CHRNA7: variants seen among roughly 807,000 people sequenced by gnomAD.
CHRNA7 encodes cholinergic receptor nicotinic alpha 7 subunit.
A neutral mutation model predicts 48.0 loss-of-function variants in CHRNA7; 17 were observed. The ratio of observed to expected loss-of-function variants is 0.35; its 90% CI spans 0.24 to 0.53. The LOEUF (loss-of-function observed/expected upper bound fraction) is 0.53. Among genes scored for constraint, CHRNA7 ranks in the 20% least tolerant of loss-of-function variants. The pLI is 0.92. For synonymous variants in CHRNA7, 75 were observed against 242.3 expected (o/e 0.31, Z 6.41); for missense variants, 155 against 577.7 (o/e 0.27, Z 7.50).
chr15:32,148,599 A>G (rs547098046), intron 4 of CHRNA7, among the ~76,000 whole-genome samples: 1 of 152,264 alleles, frequency 6.6e-6, no homozygotes, highest in South Asian at 2.1e-4. Flanking sequence ...AGACCCACCC[A>G]CAGGGTCCAC....
chr15:32,084,045 CTGTT>C (rs2050257070), intron 2 of CHRNA7, among the ~76,000 whole-genome samples: 1 of 152,252 alleles, frequency 6.6e-6, no homozygotes, highest in Admixed American at 6.5e-5. Flanking sequence ...TGTTAAAACT[CTGTT>C]TGATTAATTA....
chr15:32,045,737 A>G (rs1396351935), intron 2 of CHRNA7, among the ~76,000 whole-genome samples: 1 of 151,406 alleles, frequency 6.6e-6, no homozygotes, highest in Non-Finnish European at 1.5e-5. Context: ...TTACATATGT[A>G]TACATGTGCC....
chr15:32,075,637 T>A (rs756217611), intron 2 of CHRNA7, among the ~76,000 whole-genome samples: 73 of 152,210 alleles, frequency 4.8e-4, no homozygotes, highest in Non-Finnish European at 8.8e-4. Context: ...CTGTTCTTTT[T>A]AGAGAACCAG....
chr15:32,046,228 C>T lies in CHRNA7; in HGVS notation c.195+15191C>T, dbSNP rs1372941487. Among the ~76,000 whole-genome samples the T allele has an allele frequency of 1.1e-4, 17 of 150,730 alleles. No individual in the cohort carries two copies. The South Asian group carries it at 2.9e-3, about 26-fold the overall frequency. On this transcript the variant is annotated intron_variant, in intron 2 of 9. Transcript: ENST00000306901. The stretch of plus-strand genomic sequence containing the variant: ...CAAATGGTATTTCTAGTTCTAGATC[C>T]CTGAGGAATCGCCACACTGACTTCC...
intron 2 of CHRNA7, among the ~76,000 whole-genome samples, chr15:32,087,201 AT>A (rs1189898795): frequency 6.6e-6 from 1 of 152,132 alleles, no homozygotes; most frequent in East Asian, 1.9e-4. Context: ...TTTATTTTAT[AT>A]TTTGGAGTGT....
At chr15:32,148,979 T>C (rs1445009981) in intron 4 of CHRNA7, among the ~76,000 whole-genome samples, 1 of 152,114 alleles carries the variant, frequency 6.6e-6, no homozygotes, top group Non-Finnish European at 1.5e-5. Flanking sequence ...GTCCTACATG[T>C]TTGAGTTACA....
At chr15:32,041,564 C>T (rs1269415806) in intron 2 of CHRNA7, among the ~76,000 whole-genome samples, 1 of 152,360 alleles carries the variant, frequency 6.6e-6, no homozygotes, top group East Asian at 1.9e-4. Context: ...GTCCAGGTGA[C>T]AGGTACTGGC....
chr15:32,052,936 T>C (rs11071512), intron 2 of CHRNA7, among the ~76,000 whole-genome samples: 135,575 of 152,166 alleles, frequency 0.89, 60,909 homozygotes, highest in South Asian at 0.97. Flanking sequence ...CCGATGATAC[T>C]GATTTCATCA....
At chr15:32,133,550 G>C (rs188285789) in intron 4 of CHRNA7, among the ~76,000 whole-genome samples, 1 of 152,288 alleles carries the variant, frequency 6.6e-6, no homozygotes, top group East Asian at 1.9e-4. Flanking sequence ...GAGAAGGCCA[G>C]GACCTTCAAA....
intron 4 of CHRNA7, among the ~76,000 whole-genome samples, chr15:32,126,080 T>G (rs907910166): frequency 2.6e-5 from 4 of 152,166 alleles, no homozygotes; most frequent in African/African-American, 7.2e-5. Flanking sequence ...AGTTTGTGCT[T>G]CTCATTTTCC....
At chr15:32,145,155 CTTT>C (rs2051461200) in intron 4 of CHRNA7, among the ~76,000 whole-genome samples, 1 of 152,114 alleles carries the variant, frequency 6.6e-6, no homozygotes, top group South Asian at 2.1e-4. Flanking sequence ...GTTAGTTTTC[CTTT>C]TAACAGTAAG....
At chr15:32,066,131 AC>A (rs1440922846) in intron 2 of CHRNA7, among the ~76,000 whole-genome samples, 2 of 152,276 alleles carry the variant, frequency 1.3e-5, no homozygotes, top group East Asian at 3.8e-4. Flanking sequence ...ATAGCTGGCA[AC>A]TCATATAACA....
At chr15:32,103,435 A>G (rs1016128465) in intron 3 of CHRNA7, among the ~76,000 whole-genome samples, 7 of 151,496 alleles carry the variant, frequency 4.6e-5, no homozygotes, top group East Asian at 1.9e-4. Flanking sequence ...AAGAAAGAAA[A>G]AGAAAATGGA....
intron 2 of CHRNA7, among the ~76,000 whole-genome samples, chr15:32,088,927 CAACT>C (rs2050341189): frequency 6.6e-6 from 1 of 151,998 alleles, no homozygotes; most frequent in Non-Finnish European, 1.5e-5. Flanking sequence ...TAATAAAGTC[CAACT>C]TACTAATTTT....
chr15:32,072,541 T>C (rs574693324), intron 2 of CHRNA7, among the ~76,000 whole-genome samples: 2 of 152,122 alleles, frequency 1.3e-5, no homozygotes, highest in South Asian at 2.1e-4. Context: ...GCCAAGACAA[T>C]GGGGAAAAGG....
intron 3 of CHRNA7, among the ~76,000 whole-genome samples, chr15:32,110,444 A>G (rs2050744542): frequency 6.6e-6 from 1 of 152,134 alleles, no homozygotes; most frequent in African/African-American, 2.4e-5. Context: ...ACCCATTAAC[A>G]CATCCTCATT....
At chr15:32,040,080 A>G (rs1023813653) in intron 2 of CHRNA7, among the ~76,000 whole-genome samples, 1 of 151,890 alleles carries the variant, frequency 6.6e-6, no homozygotes, top group Non-Finnish European at 1.5e-5. Flanking sequence ...GCTTTCTTGG[A>G]TTAGTGTTAG....
intron 2 of CHRNA7, among the ~76,000 whole-genome samples, chr15:32,061,168 A>C (rs2049872703): frequency 6.6e-6 from 1 of 152,162 alleles, no homozygotes; most frequent in Admixed American, 6.5e-5. Flanking sequence ...GAGTGGAACC[A>C]CCATGCTCAG....
chr15:32,074,933 G>A (rs2050114355), intron 2 of CHRNA7, among the ~76,000 whole-genome samples: 1 of 152,080 alleles, frequency 6.6e-6, no homozygotes, highest in Non-Finnish European at 1.5e-5. Context: ...ACAGGCATGT[G>A]CCACCGCGGC....
Sources: gnomAD v4.1 joint callset for allele counts (sites outside exome capture counted in the v4.1 genomes callset) on GRCh38, gnomAD v4.1.1 for gene constraint, MANE v1.5 for transcripts, NCBI Gene and HGNC (gene_info 2026-07-23, HGNC 2026-07-21) for gene names.